LPIN2: variants seen among roughly 807,000 people sequenced by gnomAD.
LPIN2 encodes phosphatidate phosphatase LPIN2.
A neutral mutation model predicts 111.4 loss-of-function variants in LPIN2; 55 were observed. The observed-to-expected ratio is 0.49, with a 90% confidence interval of 0.40 to 0.62. The LOEUF is 0.62. LPIN2 is among the 20% of genes least tolerant of loss of function. The pLI is 0.00. For missense variants in LPIN2, 992 were observed against 1,112.1 expected, an observed-to-expected ratio of 0.89 and a Z score of 1.54; for synonymous variants, 425 against 414.0, an observed-to-expected ratio of 1.03 and a Z score of -0.32.
At position 2,937,709 on chromosome 18, in the gene LPIN2, G is replaced by A. The variant is rs765616457; in HGVS notation, c.1151C>T (p.Ser384Leu). 9.9e-6 allele frequency: 16 copies of A among 1,613,976 alleles called. No homozygotes were observed. The highest frequency in any genetic ancestry group is 3.3e-5 in the Admixed American group (2 of 60,016). Residue 384 changes from serine to leucine, a missense_variant, in exon 7 of 20, where the codon TCG becomes TTG. Ser to Leu is a moderately radical substitution (Grantham distance 145). Transcript: ENST00000677752. ...SESKPAAKVD[S>L]PSKKKGVHKR... The stretch of plus-strand genomic sequence containing the variant: ...ACGATTACCTTTCTTCTTTGACGGC[G>A]AGTCTACTTTAGCTGCCGGTTTGGA...
intron 16 of LPIN2, among the ~76,000 whole-genome samples, chr18:2,922,915 AC>A (rs1370963288): frequency 6.6e-6 from 1 of 152,194 alleles, no homozygotes; most frequent in Non-Finnish European, 1.5e-5. Flanking sequence ...GCAAAATTAT[AC>A]CCAGGTAACT....
intron 1 of LPIN2, among the ~76,000 whole-genome samples, chr18:3,000,118 A>AAGGAGGAGGAGG (rs113566510): frequency 1.8e-4 from 26 of 144,198 alleles, no homozygotes; most frequent in Admixed American, 2.8e-4. Context: ...GGAGGGGAAG[A>AAGGAGGAGGAGG]AGGAGGAGGA....
intron 1 of LPIN2, among the ~76,000 whole-genome samples, chr18:2,973,137 T>C (rs1346265217): frequency 4.6e-5 from 7 of 152,186 alleles, no homozygotes; most frequent in East Asian, 3.9e-4. Flanking sequence ...AATTTAGCTA[T>C]GAAGTTTTAA....
intron 1 of LPIN2, among the ~76,000 whole-genome samples, chr18:2,987,968 A>C (rs971779672): frequency 2.1e-5 from 3 of 144,190 alleles, no homozygotes; most frequent in African/African-American, 8.0e-5. Flanking sequence ...AGCCAAGATC[A>C]TACCACTGTT....
At chr18:2,930,898 G>T (rs1183371359) in intron 9 of LPIN2, among the ~76,000 whole-genome samples, 2 of 152,196 alleles carry the variant, frequency 1.3e-5, no homozygotes, top group Admixed American at 1.3e-4. Context: ...GTGCTTTCCA[G>T]AAGGGCAGCT....
intron 1 of LPIN2, among the ~76,000 whole-genome samples, chr18:2,986,759 C>T (rs1434442209): frequency 1.3e-5 from 2 of 152,130 alleles, no homozygotes; most frequent in African/African-American, 4.8e-5. Context: ...ACAAGAGAGA[C>T]AATACTGAGA....
intron 6 of LPIN2, 70 bp downstream of exon 6, chr18:2,939,409 CT>C: frequency 6.3e-7 from 1 of 1,595,804 alleles, no homozygotes; most frequent in Non-Finnish European, 8.6e-7. Context: ...GCCTCCTTTA[CT>C]TATGGGCAGA....
rs1428190953 is a variant in LPIN2 at position 2,922,044 on chromosome 18, T to C, written c.2327+3A>G. 6.2e-7 allele frequency: 1 copy of C among 1,611,672 alleles called. No individual in the cohort carries two copies. The highest frequency in any genetic ancestry group is 8.5e-7 in the Non-Finnish European group (1 of 1,178,582). On this transcript the variant is annotated splice_donor_region_variant and intron_variant, in intron 17 of 19. Transcript: ENST00000677752. ...GGCAGAGGGCTGCCTGCCGGAGAGG[T>C]ACCTGTGGAAGGCGGAGAACAAGCT...
Position 2,918,494 on chromosome 18 carries a change from A to G in LPIN2, c.*1799T>C, listed in dbSNP as rs1374807806. ...CATGGCTGCTGTACTAGAATTCACA[A>G]ACTGGGAAGAACTTCATATAAACAG... On this transcript the variant is annotated 3_prime_UTR_variant, in exon 20 of 20. Coordinates refer to ENST00000677752, the MANE Select transcript of LPIN2 (RefSeq NM_001375808.2). 1 of 152,206 alleles carries G rather than the reference A, an allele frequency of 6.6e-6. No homozygotes were observed. The highest frequency in any genetic ancestry group is 2.4e-5 in the African/African-American group (1 of 41,450). 9.4% of individuals were successfully genotyped at this position (152,206 alleles called of 1,614,324 possible).
At chr18:2,962,090 C>A (rs2077722390) in intron 1 of LPIN2, among the ~76,000 whole-genome samples, 1 of 152,206 alleles carries the variant, frequency 6.6e-6, no homozygotes, top group Admixed American at 6.5e-5. Flanking sequence ...TCCAGGATAT[C>A]TGCCTGCACA....
At chr18:2,948,891 G>A (rs774945354) in intron 4 of LPIN2, among the ~76,000 whole-genome samples, 8 of 151,160 alleles carry the variant, frequency 5.3e-5, no homozygotes, top group South Asian at 2.1e-4. Flanking sequence ...TTGGCTCACT[G>A]TAACCTCCGC....
At position 2,920,160 on chromosome 18, in the gene LPIN2, G is replaced by A. The variant is rs2077031037; in HGVS notation, c.*133C>T. 8.0e-7 allele frequency: 1 copy of A among 1,242,568 alleles called. No homozygotes were observed. Among genetic ancestry groups the A allele is most frequent in the Non-Finnish European group, 1.2e-6 (1 of 864,800 alleles). 77.0% of individuals were successfully genotyped at this position (1,242,568 alleles called of 1,614,324 possible). A position where few individuals can be genotyped will look rare whatever the true frequency, so the allele number is the denominator to read the frequency against. ...CAGCTGGCCTGGGAAGGCAAAGGAG[G>A]ATGGCGGGACCAGCTCCAGAAGCAC... On this transcript the variant is annotated 3_prime_UTR_variant, in exon 20 of 20. Transcript: ENST00000677752.
chr18:2,968,390 A>G (rs931787953), intron 1 of LPIN2, among the ~76,000 whole-genome samples: 1 of 152,220 alleles, frequency 6.6e-6, no homozygotes, highest in Non-Finnish European at 1.5e-5. Context: ...CACACAGTCA[A>G]AATTAAGCAC....
At chr18:2,961,686 TC>T (rs577365584) in intron 1 of LPIN2, among the ~76,000 whole-genome samples, 1 of 150,976 alleles carries the variant, frequency 6.6e-6, no homozygotes, top group Non-Finnish European at 1.5e-5. Flanking sequence ...AAAAACCAAA[TC>T]CCCCCCTTCA....
At chr18:2,951,416 G>T in intron 3 of LPIN2, 60 bp from the exon 4 acceptor site, 4 of 1,351,334 alleles carry the variant, frequency 3.0e-6, no homozygotes, top group Non-Finnish European at 4.2e-6. Context: ...AATTAAAGCA[G>T]TAATATTTTG....
At chr18:2,975,106 A>C (rs1027874497) in intron 1 of LPIN2, among the ~76,000 whole-genome samples, 2 of 152,234 alleles carry the variant, frequency 1.3e-5, no homozygotes, top group Non-Finnish European at 2.9e-5. Context: ...TGTACTAATA[A>C]GAAAACTGAG....
intron 4 of LPIN2, among the ~76,000 whole-genome samples, chr18:2,942,066 C>A (rs1568544642): frequency 6.6e-6 from 1 of 152,156 alleles, no homozygotes; most frequent in Non-Finnish European, 1.5e-5. Context: ...GGACTAAACA[C>A]AGGGATAGAA....
At chr18:2,960,967 A>G in intron 1 of LPIN2, 118 bp from the exon 2 acceptor site, 1 of 785,936 alleles carries the variant, frequency 1.3e-6, no homozygotes, top group East Asian at 2.7e-5. Context: ...TCATATCATT[A>G]GCCTTATTAA....
intron 14 of LPIN2, 130 bp from the exon 15 acceptor site, chr18:2,924,676 A>AG (rs2077104574): frequency 1.8e-5 from 16 of 909,524 alleles, no homozygotes; most frequent in Non-Finnish European, 2.8e-5. Flanking sequence ...TCTTAGACAC[A>AG]GCCCACCCTG....
Sources: gnomAD v4.1 joint callset for allele counts (sites outside exome capture counted in the v4.1 genomes callset) on GRCh38, gnomAD v4.1.1 for gene constraint, MANE v1.5 for transcripts, NCBI Gene and HGNC (gene_info 2026-07-23, HGNC 2026-07-21) for gene names.